SAXO1: variants seen among roughly 807,000 people sequenced by gnomAD.
The protein encoded by SAXO1 is 4930500O09Rik.
In SAXO1, 21 loss-of-function variants were observed where a neutral mutation model predicts 17.5. The ratio of observed to expected loss-of-function variants is 1.20; its 90% CI spans 0.85 to 1.72. The LOEUF is 1.72. SAXO1 is among the 40% of genes most tolerant of loss of function. SAXO1 has a pLI of 0.00. For missense variants in SAXO1, 843 were observed against 596.0 expected, an observed-to-expected ratio of 1.41 and a Z score of -4.32; for synonymous variants, 274 against 216.5, an observed-to-expected ratio of 1.27 and a Z score of -2.33.
chr9:18,956,645 G>A (rs560855281), intron 1 of SAXO1, among the ~76,000 whole-genome samples: 5 of 152,210 alleles, frequency 3.3e-5, no homozygotes, highest in Non-Finnish European at 7.4e-5. Context: ...TAACTCCTCC[G>A]AACTTCAATC....
chr9:18,949,466 A>G (rs1327502), intron 2 of SAXO1, among the ~76,000 whole-genome samples: 79,709 of 151,720 alleles, frequency 0.53, 24,100 homozygotes, highest in Non-Finnish European at 0.67. Context: ...TAAAAAAAAA[A>G]TTTTTTTTAA....
At position 19,032,894 on chromosome 9, in the gene SAXO1, G is replaced by A; in HGVS notation, c.15C>T (p.Cys5=). Residue 5 remains cysteine (C), a synonymous_variant, in exon 1 of 4, where the codon TGC becomes TGT. Transcript: ENST00000380534. ...ACCCGCAGGAGCACAGTTCACAGATGCACTTCGTCTTCATAGGGGCGATCC... is the reference window on the plus strand; with the variant it reads ...ACCCGCAGGAGCACAGTTCACAGATACACTTCGTCTTCATAGGGGCGATCC... MKTK[C]ICELCSCGRH... is the part of the protein sequence containing the mutation. 1 of 1,610,640 alleles carries A rather than the reference G, an allele frequency of 6.2e-7. No homozygotes were observed. The highest frequency in any genetic ancestry group is 8.5e-7 in the Non-Finnish European group (1 of 1,179,752).
At chr9:18,993,808 T>C (rs1174744319) in intron 1 of SAXO1, among the ~76,000 whole-genome samples, 1 of 152,206 alleles carries the variant, frequency 6.6e-6, no homozygotes, top group Non-Finnish European at 1.5e-5. Flanking sequence ...AGTCACCCTA[T>C]GCCATCAATA....
At chr9:18,942,260 G>C (rs1831595980) in intron 2 of SAXO1, among the ~76,000 whole-genome samples, 1 of 152,128 alleles carries the variant, frequency 6.6e-6, no homozygotes, top group African/African-American at 2.4e-5. Flanking sequence ...GCTTTCCCCA[G>C]TTTAAAACTC....
intron 1 of SAXO1, among the ~76,000 whole-genome samples, chr9:18,998,845 C>A (rs1834124147): frequency 6.6e-6 from 1 of 152,220 alleles, no homozygotes; most frequent in African/African-American, 2.4e-5. Context: ...AACTTCATAT[C>A]CAGCCAAACT....
At chr9:18,976,410 G>T (rs1833152594) in intron 1 of SAXO1, among the ~76,000 whole-genome samples, 1 of 152,162 alleles carries the variant, frequency 6.6e-6, no homozygotes, top group South Asian at 2.1e-4. Flanking sequence ...TTCTGCGTGT[G>T]GGTCTGTGAG....
At chr9:19,033,426 A>C (rs1183452589), upstream of SAXO1, among the ~76,000 whole-genome samples, 2 of 152,260 alleles carry the variant, frequency 1.3e-5, no homozygotes, top group Non-Finnish European at 1.5e-5. Context: ...CTGGTGCAGT[A>C]AACGGTCACA....
In SAXO1 at chr9:18,961,929, G is replaced by A. The variant is rs1341282125; in HGVS notation, c.39-10992C>T. Among the ~76,000 whole-genome samples the A allele has an allele frequency of 4.6e-5, 7 of 152,132 alleles. 1 individual carries two copies. Among genetic ancestry groups the A allele is most frequent in the Admixed American group, 2.0e-4 (3 of 15,266 alleles). On this transcript the variant is annotated intron_variant, in intron 1 of 3. Transcript: ENST00000380534. The stretch of plus-strand genomic sequence containing the variant: ...GAATTGCCACACTGTCTTCCACAAT[G>A]GTTGAACTAATTTACAATTCCACCA...
At position 18,941,577 on chromosome 9, in the gene SAXO1, C is replaced by T. The variant is rs1831559986; in HGVS notation, c.421+60G>A. ...TGAGTATGCACATAAAACACATTTC[C>T]TGGCCCGCACACAGGCTCAGCCTGT... On this transcript the variant is annotated intron_variant, in intron 3 of 3. Transcript: ENST00000380534. 2.5e-6 allele frequency: 4 copies of T among 1,597,728 alleles called. No individual in the cohort carries two copies. The African/African-American group carries it at 5.4e-5, about 21-fold the overall frequency.
chr9:18,952,320 C>T (rs1252728090), intron 1 of SAXO1, among the ~76,000 whole-genome samples: 1 of 152,168 alleles, frequency 6.6e-6, no homozygotes, highest in African/African-American at 2.4e-5. Context: ...AATTAAAATG[C>T]AATACTTTGG....
rs1211681871 is a variant in SAXO1, at chr9:18,960,962, C to T, written c.39-10025G>A. On this transcript the variant is annotated intron_variant, in intron 1 of 3. Transcript: ENST00000380534. Reference sequence around the variant, plus strand: ...ATGCAGAAATGTTCTGGAGTGCTGGCAGTGTTCTTCATCTTCATAGGGACT... The same window carrying T: ...ATGCAGAAATGTTCTGGAGTGCTGGTAGTGTTCTTCATCTTCATAGGGACT... 3.3e-5 allele frequency among the ~76,000 whole-genome samples: 5 copies of T among 152,030 alleles called. No homozygotes were observed. The East Asian group carries it at 7.7e-4, about 24-fold the overall frequency.
Position 18,939,116 on chromosome 9 carries a change from G to A in SAXO1, c.421+2521C>T, listed in dbSNP as rs374427766. Among the ~76,000 whole-genome samples the A allele has an allele frequency of 2.0e-4, 31 of 152,200 alleles. No homozygotes were observed. The Middle Eastern group carries it at 0.021, about 101-fold the overall frequency. On this transcript the variant is annotated intron_variant, in intron 3 of 3. Coordinates refer to ENST00000380534, the MANE Select transcript of SAXO1 (RefSeq NM_153707.4). Reference sequence around the variant, plus strand: ...CACAAAGACAGTGTAGAGGAGAGGCGAGTCCGCCATCGGATATGCCATATC... The same window carrying A: ...CACAAAGACAGTGTAGAGGAGAGGCAAGTCCGCCATCGGATATGCCATATC...
chr9:18,972,238 T>C (rs754415346), intron 1 of SAXO1, among the ~76,000 whole-genome samples: 10 of 152,228 alleles, frequency 6.6e-5, no homozygotes, highest in Non-Finnish European at 1.3e-4. Flanking sequence ...ATAGCCCTTC[T>C]TTACAAAAAA....
chr9:18,974,765 A>G (rs985855520), intron 1 of SAXO1, among the ~76,000 whole-genome samples: 18 of 152,328 alleles, frequency 1.2e-4, no homozygotes, highest in African/African-American at 4.1e-4. Flanking sequence ...GCCAAATAAT[A>G]AATGTAGAGG....
chr9:18,947,952 C>T (rs926958568), intron 2 of SAXO1, among the ~76,000 whole-genome samples: 9 of 152,184 alleles, frequency 5.9e-5, no homozygotes, highest in South Asian at 4.1e-4. Flanking sequence ...CCCTGGACCA[C>T]GTGACTTTTT....
intron 2 of SAXO1, among the ~76,000 whole-genome samples, chr9:18,950,389 G>A (rs1217749274): frequency 6.6e-6 from 1 of 151,890 alleles, no homozygotes; most frequent in African/African-American, 2.4e-5. Context: ...ACCCAAGCTG[G>A]CCTGGAGCTT....
intron 1 of SAXO1, among the ~76,000 whole-genome samples, chr9:19,002,302 T>C (rs1347418222): frequency 6.6e-6 from 1 of 152,186 alleles, no homozygotes; most frequent in African/African-American, 2.4e-5. Context: ...CACAGCCGAA[T>C]TCTACCAGAG....
chr9:18,970,174 G>A (rs936660230), intron 1 of SAXO1, among the ~76,000 whole-genome samples: 1 of 152,176 alleles, frequency 6.6e-6, no homozygotes, highest in African/African-American at 2.4e-5. Context: ...AGCCCCAGAT[G>A]TTTGGCTTGA....
intron 3 of SAXO1, 127 bp downstream of exon 3, chr9:18,941,510 G>C: frequency 9.6e-7 from 1 of 1,042,568 alleles, no homozygotes; most frequent in Non-Finnish European, 1.4e-6. Flanking sequence ...CTGCTGGCCA[G>C]ATCTGGCCCG....
Sources: allele counts gnomAD v4.1 joint callset (sites outside exome capture counted in the v4.1 genomes callset), GRCh38; gene constraint gnomAD v4.1.1; transcripts MANE v1.5; gene names NCBI Gene and HGNC (gene_info 2026-07-23, HGNC 2026-07-21).